ZNF277: variants seen among roughly 807,000 people sequenced by gnomAD.
The protein encoded by ZNF277 is nuclear receptor-interacting factor 4.
In ZNF277, 55 loss-of-function variants were observed where a neutral mutation model predicts 60.7. The ratio of observed to expected loss-of-function variants is 0.91; its 90% CI spans 0.73 to 1.13. The LOEUF (loss-of-function observed/expected upper bound fraction) is 1.13. Among genes scored for constraint, ZNF277 ranks in the 50% most tolerant of loss-of-function variants. The pLI, the probability that ZNF277 is intolerant of heterozygous loss-of-function variation, is 0.00. For synonymous variants in ZNF277, 178 were observed against 179.3 expected, an observed-to-expected ratio of 0.99 and a Z score of 0.06; for missense variants, 510 against 523.0, an observed-to-expected ratio of 0.98 and a Z score of 0.24.
At chr7:112,228,454 CTTTTTTTTTTTT>C (rs71150013) in intron 1 of ZNF277, among the ~76,000 whole-genome samples, 2 of 36,378 alleles carry the variant, frequency 5.5e-5, no homozygotes, top group Admixed American at 5.3e-4. Flanking sequence ...GAGGAGAGGC[CTTTTTTTTTTTT>C]TTTTTTTTTT....
At chr7:112,269,140 G>C (rs1173813395) in intron 1 of ZNF277, among the ~76,000 whole-genome samples, 4 of 151,766 alleles carry the variant, frequency 2.6e-5, no homozygotes, top group Admixed American at 2.6e-4. Context: ...ACAAGACCTT[G>C]AATTTGTTCA....
At chr7:112,320,925 T>TTTCTTTC (rs1447886322) in intron 5 of ZNF277, among the ~76,000 whole-genome samples, 1 of 134,868 alleles carries the variant, frequency 7.4e-6, no homozygotes, top group Non-Finnish European at 1.6e-5. Context: ...TTCTTTTTTT[T>TTTCTTTC]TTTTTTTTTT....
chr7:112,228,027 T>A (rs1388672182), intron 1 of ZNF277, among the ~76,000 whole-genome samples: 4 of 151,998 alleles, frequency 2.6e-5, no homozygotes, highest in African/African-American at 9.7e-5. Flanking sequence ...AAAATCAAGA[T>A]GTCAGCAGGG....
intron 1 of ZNF277, among the ~76,000 whole-genome samples, chr7:112,220,584 T>G (rs574078175): frequency 3.9e-5 from 6 of 152,352 alleles, no homozygotes; most frequent in Admixed American, 3.3e-4. Context: ...ATCCTTGTCT[T>G]GTTCCCTATT....
chr7:112,241,303 C>T (rs1049929778), intron 1 of ZNF277, among the ~76,000 whole-genome samples: 1 of 152,074 alleles, frequency 6.6e-6, no homozygotes, highest in African/African-American at 2.4e-5. Flanking sequence ...ATCAAAACTA[C>T]AATAAGATAT....
At chr7:112,266,950 A>C (rs1261277896) in intron 1 of ZNF277, among the ~76,000 whole-genome samples, 1 of 152,220 alleles carries the variant, frequency 6.6e-6, no homozygotes, top group African/African-American at 2.4e-5. Flanking sequence ...TGTAGGAATC[A>C]TCTCTTTGAT....
chr7:112,223,431 C>T (rs1020807247), intron 1 of ZNF277, among the ~76,000 whole-genome samples: 1 of 152,188 alleles, frequency 6.6e-6, no homozygotes, highest in African/African-American at 2.4e-5. Flanking sequence ...AGGTCTGTCT[C>T]CCTAGGCACT....
chr7:112,217,855 C>T (rs904508256), intron 1 of ZNF277, among the ~76,000 whole-genome samples: 1 of 152,124 alleles, frequency 6.6e-6, no homozygotes, highest in African/African-American at 2.4e-5. Context: ...AGACCCTGCA[C>T]TCAGTGGGTC....
At chr7:112,243,506 A>C (rs559984406) in intron 1 of ZNF277, among the ~76,000 whole-genome samples, 1 of 151,840 alleles carries the variant, frequency 6.6e-6, no homozygotes, top group East Asian at 1.9e-4. Context: ...CAACCCCATT[A>C]AAAAAGCAGA....
chr7:112,262,178 A>C (rs1454050442), intron 1 of ZNF277, among the ~76,000 whole-genome samples: 2 of 150,636 alleles, frequency 1.3e-5, no homozygotes, highest in South Asian at 2.1e-4. Flanking sequence ...CTAGTTTCGC[A>C]GCCTCAATAG....
At chr7:112,208,411 A>C (rs1206439407) in intron 1 of ZNF277, among the ~76,000 whole-genome samples, 2 of 152,026 alleles carry the variant, frequency 1.3e-5, no homozygotes, top group Non-Finnish European at 2.9e-5. Context: ...CCTTTCAAAA[A>C]TGTAAAATAT....
intron 7 of ZNF277, among the ~76,000 whole-genome samples, chr7:112,333,150 T>C (rs1041734290): frequency 1.3e-5 from 2 of 148,412 alleles, no homozygotes; most frequent in Non-Finnish European, 2.9e-5. Flanking sequence ...CAATACTTTA[T>C]TTAAAAAAAA....
At chr7:112,255,644 C>T (rs1791292329) in intron 1 of ZNF277, among the ~76,000 whole-genome samples, 3 of 152,212 alleles carry the variant, frequency 2.0e-5, no homozygotes, top group African/African-American at 7.2e-5. Flanking sequence ...TTCCTGCTAC[C>T]CACTGAAGCC....
intron 4 of ZNF277, among the ~76,000 whole-genome samples, chr7:112,306,684 T>A (rs1236969463): frequency 1.3e-5 from 2 of 152,096 alleles, no homozygotes; most frequent in African/African-American, 2.4e-5. Context: ...TCCAGCCACC[T>A]TTCTATCAGG....
At chr7:112,249,638 C>A (rs1195412781) in intron 1 of ZNF277, among the ~76,000 whole-genome samples, 2 of 152,128 alleles carry the variant, frequency 1.3e-5, no homozygotes, top group East Asian at 1.9e-4. Flanking sequence ...AATGGAGGGA[C>A]CGGCTGAAGC....
At chr7:112,258,947 T>C (rs1791384109) in intron 1 of ZNF277, among the ~76,000 whole-genome samples, 1 of 152,176 alleles carries the variant, frequency 6.6e-6, no homozygotes, top group Non-Finnish European at 1.5e-5. Context: ...AAATTGATTT[T>C]CATTTTAATC....
At chr7:112,265,308 A>C (rs1791525587) in intron 1 of ZNF277, among the ~76,000 whole-genome samples, 1 of 152,110 alleles carries the variant, frequency 6.6e-6, no homozygotes, top group African/African-American at 2.4e-5. Flanking sequence ...TCATTGCCCT[A>C]ATTTGAATAT....
intron 1 of ZNF277, among the ~76,000 whole-genome samples, chr7:112,241,041 G>A (rs1411975785): frequency 2.6e-5 from 4 of 151,810 alleles, no homozygotes; most frequent in African/African-American, 9.7e-5. Context: ...TACAGTGAAG[G>A]AAACAATCAA....
chr7:112,255,918 G>C lies in ZNF277; in HGVS notation c.92-30955G>C, dbSNP rs145847630. ...ATGTCTTGGTTCAAATAATTGACTTGTTACACTTTGGCAGATTAGATGCTC... is the reference window on the plus strand; with the variant it reads ...ATGTCTTGGTTCAAATAATTGACTTCTTACACTTTGGCAGATTAGATGCTC... On this transcript the variant is annotated intron_variant, in intron 1 of 11. Coordinates refer to ENST00000361822, the MANE Select transcript of ZNF277 (RefSeq NM_021994.3). Among the ~76,000 whole-genome samples, 939 of 152,128 alleles carry C rather than the reference G, an allele frequency of 6.2e-3. 24 individuals are homozygous for C. The highest frequency in any genetic ancestry group is 0.051 in the Admixed American group (774 of 15,282).
Sources: allele counts gnomAD v4.1 joint callset (sites outside exome capture counted in the v4.1 genomes callset), GRCh38; gene constraint gnomAD v4.1.1; transcripts MANE v1.5; gene names NCBI Gene and HGNC (gene_info 2026-07-23, HGNC 2026-07-21).